DLG2: variants seen among roughly 807,000 people sequenced by gnomAD.
The protein encoded by DLG2 is disks large homolog 2.
A neutral mutation model predicts 132.5 loss-of-function variants in DLG2; 45 were observed. That is an observed-to-expected ratio of 0.34 (90% CI 0.27 to 0.44). The LOEUF (loss-of-function observed/expected upper bound fraction) is 0.44, where lower values mean the gene tolerates loss of function less well. Among genes scored for constraint, DLG2 ranks in the 20% least tolerant of loss-of-function variants. DLG2 has a pLI of 1.00. For synonymous variants in DLG2, 424 were observed against 419.6 expected (o/e 1.01, Z -0.13); for missense variants, 1,045 against 1,196.9 (o/e 0.87, Z 1.87).
At chr11:85,210,470 T>C (rs2082185242) in intron 4 of DLG2, among the ~76,000 whole-genome samples, 1 of 152,222 alleles carries the variant, frequency 6.6e-6, no homozygotes, top group Non-Finnish European at 1.5e-5. Context: ...AATGTTGTCA[T>C]GTCCAAGAAG....
chr11:84,381,226 TA>T (rs1186549500), intron 7 of DLG2, among the ~76,000 whole-genome samples: 1 of 152,016 alleles, frequency 6.6e-6, no homozygotes, highest in East Asian at 1.9e-4. Context: ...AAACAGTGAA[TA>T]AAAAGTTTTA....
At position 84,945,587 on chromosome 11, in the gene DLG2, C is replaced by T. The variant is rs1195630413; in HGVS notation, c.357+166074G>A. 2.0e-5 allele frequency among the ~76,000 whole-genome samples: 3 copies of T among 152,326 alleles called. No individual in the cohort carries two copies. The South Asian group carries it at 6.2e-4, about 32-fold the overall frequency. On this transcript the variant is annotated intron_variant, in intron 6 of 27. Transcript: ENST00000376104. The stretch of plus-strand genomic sequence containing the variant: ...GGTTACCACCGATGTTCCCTCAAGG[C>T]TCAAGTGCTTTACCTCCCACAGACA...
intron 21 of DLG2, among the ~76,000 whole-genome samples, chr11:83,528,501 A>G (rs2095661444): frequency 6.6e-6 from 1 of 152,000 alleles, no homozygotes; most frequent in Non-Finnish European, 1.5e-5. Flanking sequence ...TTTCCTATGT[A>G]TGTGGCAAAC....
chr11:84,936,664 A>T (rs1264491641), intron 6 of DLG2: 2 of 152,174 alleles, frequency 1.3e-5, no homozygotes, highest in Non-Finnish European at 2.9e-5. Context: ...GGATTATGCA[A>T]GTTTTAATTG....
chr11:83,523,059 C>T (rs2095523577), intron 21 of DLG2, among the ~76,000 whole-genome samples: 1 of 152,146 alleles, frequency 6.6e-6, no homozygotes, highest in African/African-American at 2.4e-5. Context: ...ACTTCTGCAT[C>T]TTTATCTTTC....
chr11:83,608,158 G>A (rs1162625867), intron 19 of DLG2, among the ~76,000 whole-genome samples: 2 of 152,150 alleles, frequency 1.3e-5, no homozygotes, highest in Non-Finnish European at 2.9e-5. Flanking sequence ...CCCACTGTAA[G>A]TTGAAAATAT....
At chr11:84,492,512 T>C (rs962174133) in intron 7 of DLG2, among the ~76,000 whole-genome samples, 1 of 152,212 alleles carries the variant, frequency 6.6e-6, no homozygotes, top group East Asian at 1.9e-4. Context: ...GATTCTATCA[T>C]CTAATGTCTG....
chr11:83,980,687 T>C lies in DLG2; in HGVS notation c.920-45A>G, dbSNP rs753881918. ...AATGGAAAGCCTTGTTTTGTTGTTG[T>C]AGTTGTTTTTAGAAAATGCAGTTAG... On this transcript the variant is annotated intron_variant, in intron 11 of 27. Transcript: ENST00000376104. 8 of 1,452,638 alleles carry C rather than the reference T, an allele frequency of 5.5e-6. No individual in the cohort carries two copies. In the African/African-American group the frequency reaches 5.8e-5, roughly 11 times the overall value. 90.0% of individuals were successfully genotyped at this position (1,452,638 alleles called of 1,614,324 possible). A position where few individuals can be genotyped will look rare whatever the true frequency, so the allele number is the denominator to read the frequency against.
At chr11:84,689,191 T>G (rs1283138480) in intron 6 of DLG2, among the ~76,000 whole-genome samples, 1 of 152,178 alleles carries the variant, frequency 6.6e-6, no homozygotes, top group Non-Finnish European at 1.5e-5. Context: ...TGTTCTTAAC[T>G]TCCTAATATG....
At chr11:85,352,434 T>C (rs1445436499) in intron 3 of DLG2, among the ~76,000 whole-genome samples, 1 of 152,198 alleles carries the variant, frequency 6.6e-6, no homozygotes, top group African/African-American at 2.4e-5. Context: ...TATTAGTTAT[T>C]TCTTGCCTTC....
In DLG2 at chr11:84,907,215, G is replaced by C. The variant is rs560185030; in HGVS notation, c.357+204446C>G. Among the ~76,000 whole-genome samples, 10 of 152,242 alleles carry C rather than the reference G, an allele frequency of 6.6e-5. No homozygotes were observed. In the South Asian group the frequency reaches 2.1e-3, roughly 32 times the overall value. The stretch of plus-strand genomic sequence containing the variant: ...TTTATTTAGAGAGGGTCCCTTTGAT[G>C]AGGCAATTCAACATACGACTAACTG... On this transcript the variant is annotated intron_variant, in intron 6 of 27. Transcript: ENST00000376104.
chr11:83,791,058 TC>T (rs2041408092), intron 17 of DLG2: 1 of 716,772 alleles, frequency 1.4e-6, no homozygotes, highest in Admixed American at 2.4e-5. Flanking sequence ...GTCGTGGAAA[TC>T]CTTTCGGACG....
intron 6 of DLG2, among the ~76,000 whole-genome samples, chr11:84,649,124 A>T (rs981458044): frequency 3.3e-5 from 5 of 151,986 alleles, no homozygotes; most frequent in African/African-American, 9.7e-5. Flanking sequence ...AATTGGGGCC[A>T]TTTTTCTTTG....
At chr11:84,419,097 T>C (rs1016976803) in intron 7 of DLG2, among the ~76,000 whole-genome samples, 2 of 151,610 alleles carry the variant, frequency 1.3e-5, no homozygotes, top group Middle Eastern at 3.2e-3. Flanking sequence ...CAAAGTTTTG[T>C]GAATATATGA....
chr11:83,859,153 T>C lies in DLG2; in HGVS notation c.1565+15267A>G, dbSNP rs1311789329. ...TATGTCTTTATAAGCTGCATGAAAA[T>C]GAACTAATACAGTAAATTGGTTTGG... On this transcript the variant is annotated intron_variant, in intron 16 of 27. Coordinates refer to ENST00000376104, the MANE Select transcript of DLG2 (RefSeq NM_001142699.3). Among the ~76,000 whole-genome samples the C allele has an allele frequency of 2.0e-5, 3 of 152,278 alleles. No homozygotes were observed. The East Asian group carries it at 5.8e-4, about 29-fold the overall frequency.
chr11:83,834,644 G>A (rs936637482), intron 16 of DLG2, among the ~76,000 whole-genome samples: 2 of 152,136 alleles, frequency 1.3e-5, no homozygotes, highest in Non-Finnish European at 1.5e-5. Flanking sequence ...TGGAGACAAA[G>A]AATAGGAATA....
intron 6 of DLG2, among the ~76,000 whole-genome samples, chr11:85,051,895 G>A (rs2062935218): frequency 6.6e-6 from 1 of 152,164 alleles, no homozygotes; most frequent in South Asian, 2.1e-4. Context: ...CAAGCCATCT[G>A]ATAAGTCATG....
intron 6 of DLG2, among the ~76,000 whole-genome samples, chr11:84,934,720 C>T (rs998532683): frequency 6.6e-6 from 1 of 151,372 alleles, no homozygotes; most frequent in Non-Finnish European, 1.5e-5. Flanking sequence ...AAATTGAATC[C>T]CTTTTAGTAT....
At chr11:84,977,158 T>C (rs1167851627) in intron 6 of DLG2, among the ~76,000 whole-genome samples, 1 of 152,194 alleles carries the variant, frequency 6.6e-6, no homozygotes, top group Non-Finnish European at 1.5e-5. Flanking sequence ...CTGATTAGTC[T>C]GCCTATTGAC....
Sources: gnomAD v4.1 joint callset for allele counts (sites outside exome capture counted in the v4.1 genomes callset) on GRCh38, gnomAD v4.1.1 for gene constraint, MANE v1.5 for transcripts, NCBI Gene and HGNC (gene_info 2026-07-23, HGNC 2026-07-21) for gene names.